Variants in COL24A1 observed in about 807,000 individuals in gnomAD.
COL24A1 encodes the protein collagen type XXIV alpha 1 chain.
In COL24A1, 224 loss-of-function variants were observed where a neutral mutation model predicts 253.9. That is an observed-to-expected ratio of 0.88 (90% CI 0.79 to 0.99). COL24A1 has a LOEUF of 0.99. Ranked by LOEUF, COL24A1 falls within the 50% of genes least tolerant of loss-of-function variation. The probability of loss-of-function intolerance (pLI) is 0.00; values close to 1 mark genes in which losing one functional copy is unlikely to be tolerated. For synonymous variants in COL24A1, 685 were observed against 673.7 expected (o/e 1.02, Z -0.26); for missense variants, 2,131 against 2,068.5 (o/e 1.03, Z -0.59).
At chr1:85,784,904 A>AT (rs777394349) in intron 48 of COL24A1, among the ~76,000 whole-genome samples, 3 of 151,638 alleles carry the variant, frequency 2.0e-5, no homozygotes, top group Admixed American at 6.6e-5. Context: ...CTAATTCTCT[A>AT]TTTTTTTGTA....
intron 55 of COL24A1, among the ~76,000 whole-genome samples, chr1:85,754,601 A>C (rs183253160): frequency 1.5e-3 from 230 of 151,648 alleles, no homozygotes; most frequent in Non-Finnish European, 2.9e-3. Flanking sequence ...TGTCTTACTA[A>C]GTAGAGAATA....
At position 86,126,229 on chromosome 1, in the gene COL24A1, AAGAG is replaced by A. The variant is rs753379043; in HGVS notation, c.122-19_122-16del. 15 of 1,556,896 alleles carry A rather than the reference AAGAG, an allele frequency of 9.6e-6. No homozygotes were observed. Among genetic ancestry groups the A allele is most frequent in the South Asian group, 9.5e-5 (8 of 84,450 alleles). The stretch of plus-strand genomic sequence containing the variant: ...AATATCTATGCCTGGAAATTTAAAA[AAGAG>A]AGAGAGAAAGAATCTTAATTTTATG... On this transcript the variant is annotated splice_polypyrimidine_tract_variant and intron_variant, in intron 2 of 59. Transcript: ENST00000370571.
chr1:86,146,377 G>A (rs553703445), intron 1 of COL24A1, among the ~76,000 whole-genome samples, 194 bp from the exon 2 acceptor site: 1 of 151,988 alleles, frequency 6.6e-6, no homozygotes, highest in African/African-American at 2.4e-5. Flanking sequence ...TGTGACTTGG[G>A]CACATTTTTA....
At chr1:85,858,092 G>A (rs1476260033) in intron 37 of COL24A1, among the ~76,000 whole-genome samples, 2 of 152,114 alleles carry the variant, frequency 1.3e-5, no homozygotes, top group Non-Finnish European at 2.9e-5. Flanking sequence ...CACTATCACT[G>A]TGTTTTCTCA....
chr1:86,080,811 A>T (rs1702582242), intron 7 of COL24A1, among the ~76,000 whole-genome samples: 1 of 152,114 alleles, frequency 6.6e-6, no homozygotes, highest in South Asian at 2.1e-4. Flanking sequence ...CCAGTAATTA[A>T]GATTTGAATA....
Position 85,744,796 on chromosome 1 carries a change from A to G in COL24A1, c.4542T>C (p.Ser1514=), listed in dbSNP as rs1379387994. 5 of 1,610,716 alleles carry G rather than the reference A, an allele frequency of 3.1e-6. No individual in the cohort carries two copies. The highest frequency in any genetic ancestry group is 1.4e-5 in the African/African-American group (1 of 74,006). The change falls in exon 57 of 60, where the codon AGT becomes AGC. Residue 1514 remains serine (S), a synonymous_variant. Coordinates refer to ENST00000370571, the MANE Select transcript of COL24A1 (RefSeq NM_152890.7). The part of the protein sequence containing the change: ...QNTEVTLIDH[S]EEIFKTLNYL... The stretch of plus-strand genomic sequence containing the variant: ...AGTTCAGGGTTTTGAATATCTCTTC[A>G]CTGTGGTCAATTAAAGTCACTTCAG...
intron 10 of COL24A1, among the ~76,000 whole-genome samples, chr1:86,052,990 G>C (rs1294956090): frequency 6.6e-6 from 1 of 152,000 alleles, no homozygotes; most frequent in Non-Finnish European, 1.5e-5. Context: ...AAAAGAGGGA[G>C]AGAGAGAATT....
chr1:85,770,928 G>A (rs1274479292), intron 53 of COL24A1, among the ~76,000 whole-genome samples: 1 of 152,148 alleles, frequency 6.6e-6, no homozygotes, highest in Non-Finnish European at 1.5e-5. Context: ...TATGCCTAAA[G>A]CGAATTGGCA....
chr1:85,895,905 A>G lies in COL24A1; in HGVS notation c.2878-3T>C, dbSNP rs1216828044. The G allele has an allele frequency of 4.4e-6, 7 of 1,608,202 alleles. No homozygotes were observed. The highest frequency in any genetic ancestry group is 1.1e-5 in the South Asian group (1 of 89,392). On this transcript the variant is annotated splice_region_variant and splice_polypyrimidine_tract_variant and intron_variant, in intron 30 of 59. Coordinates refer to ENST00000370571, the MANE Select transcript of COL24A1 (RefSeq NM_152890.7). ...TCTCCAGGGTTTCCAGTCTTACCCTACATGAGAAAGAAAATTCTTGAGTCA... is the reference window on the plus strand; with the variant it reads ...TCTCCAGGGTTTCCAGTCTTACCCTGCATGAGAAAGAAAATTCTTGAGTCA...
intron 37 of COL24A1, among the ~76,000 whole-genome samples, chr1:85,857,443 G>T (rs1678559446): frequency 7.6e-6 from 1 of 132,146 alleles, no homozygotes; most frequent in African/African-American, 2.8e-5. Context: ...AGTTCAGCAA[G>T]GGAACCCTCT....
chr1:86,063,828 T>C, intron 7 of COL24A1, 69 bp from the exon 8 acceptor site: 1 of 1,183,538 alleles, frequency 8.4e-7, no homozygotes, highest in East Asian at 2.8e-5. Context: ...GAAACATAGG[T>C]TGCAAGTTGC....
chr1:86,125,231 A>T lies in COL24A1; in HGVS notation c.1105T>A (p.Ser369Thr). ...ATATTGTCAGACATGTTTAGGAGAG[A>T]GCTAAATTTCTCTTTGGTATTCATT... ...AKMNTKEKFS[S>T]LLNMSDNITQ... The change falls in exon 3 of 60, where the codon TCT becomes ACT. Residue 369 changes from serine to threonine, a missense_variant. Physicochemically the swap from Ser to Thr is moderately conservative, Grantham distance 58. Coordinates refer to ENST00000370571, the MANE Select transcript of COL24A1 (RefSeq NM_152890.7). The T allele has an allele frequency of 6.2e-7, 1 of 1,613,588 alleles. No individual in the cohort carries two copies. Among genetic ancestry groups the T allele is most frequent in the South Asian group, 1.1e-5 (1 of 91,060 alleles).
chr1:86,152,253 C>T (rs1011602304), intron 1 of COL24A1, among the ~76,000 whole-genome samples: 2 of 152,052 alleles, frequency 1.3e-5, no homozygotes, highest in Admixed American at 6.6e-5. Context: ...AGGTTGAGCA[C>T]CCCCAATCTA....
At chr1:85,913,549 C>T (rs1006173177) in intron 24 of COL24A1, among the ~76,000 whole-genome samples, 2 of 152,122 alleles carry the variant, frequency 1.3e-5, no homozygotes, top group Non-Finnish European at 1.5e-5. Context: ...GGAGACACAA[C>T]GATGATTCCA....
chr1:85,953,500 G>C (rs926136416), intron 24 of COL24A1, among the ~76,000 whole-genome samples: 1 of 152,228 alleles, frequency 6.6e-6, no homozygotes, highest in Non-Finnish European at 1.5e-5. Flanking sequence ...TCATTTTCTA[G>C]ATCGTATACT....
chr1:86,071,390 G>T (rs895014260), intron 7 of COL24A1, among the ~76,000 whole-genome samples: 6 of 152,036 alleles, frequency 3.9e-5, no homozygotes, highest in Non-Finnish European at 5.9e-5. Context: ...GCAGGAATAA[G>T]TCTCTATTTA....
At chr1:86,104,563 C>G (rs1704766019) in intron 5 of COL24A1, among the ~76,000 whole-genome samples, 2 of 152,044 alleles carry the variant, frequency 1.3e-5, no homozygotes, top group Non-Finnish European at 2.9e-5. Context: ...TTTCTTTTAT[C>G]CTATTTGATG....
In COL24A1 at chr1:85,872,183, C is replaced by G. The variant is rs1030098351; in HGVS notation, c.3138+2466G>C. Among the ~76,000 whole-genome samples the G allele has an allele frequency of 5.7e-4, 87 of 151,998 alleles. 1 individual carries two copies. The highest frequency in any genetic ancestry group is 2.0e-3 in the African/African-American group (85 of 41,488). ...AGGAGAACTACAAACCACTGCTCAA[C>G]GAAATAAAAGAGGACACAAACAAAT... On this transcript the variant is annotated intron_variant, in intron 35 of 59. Coordinates refer to ENST00000370571, the MANE Select transcript of COL24A1 (RefSeq NM_152890.7).
At chr1:85,897,639 G>C (rs1441433530) in intron 28 of COL24A1, among the ~76,000 whole-genome samples, 2 of 152,108 alleles carry the variant, frequency 1.3e-5, no homozygotes, top group African/African-American at 2.4e-5. Context: ...CGTTGCAAAA[G>C]TCATTCTATA....
Sources: allele counts gnomAD v4.1 joint callset (sites outside exome capture counted in the v4.1 genomes callset), GRCh38; gene constraint gnomAD v4.1.1; transcripts MANE v1.5; gene names NCBI Gene and HGNC (gene_info 2026-07-23, HGNC 2026-07-21).